PUM2: variants seen among roughly 807,000 people sequenced by gnomAD.
PUM2 encodes the protein pumilio RNA binding family member 2.
Under a neutral mutation model 124.5 loss-of-function variants are expected in PUM2, and 57 were observed. The observed-to-expected ratio is 0.46, with a 90% CI of 0.37 to 0.57. The LOEUF is 0.57. Ranked by LOEUF, PUM2 falls within the 20% of genes least tolerant of loss-of-function variation. PUM2 has a pLI of 0.00. For missense variants in PUM2, 1,065 were observed against 1,290.6 expected (o/e 0.83, Z 2.68); for synonymous variants, 460 against 446.1 (o/e 1.03, Z -0.39).
chr2:20,345,843 G>A (rs962551103), intron 1 of PUM2, among the ~76,000 whole-genome samples: 3 of 152,216 alleles, frequency 2.0e-5, no homozygotes, highest in African/African-American at 7.2e-5. Context: ...TTGTACTCCA[G>A]CCTGGGCAAC....
chr2:20,263,138 A>C (rs1023000080), intron 14 of PUM2, 55 bp downstream of exon 14: 1 of 1,495,494 alleles, frequency 6.7e-7, no homozygotes, highest in Non-Finnish European at 9.2e-7. Context: ...TTAAGCTTTT[A>C]TAAGGCAGCA....
intron 12 of PUM2, among the ~76,000 whole-genome samples, chr2:20,281,040 A>G (rs2148869317): frequency 6.6e-6 from 1 of 152,306 alleles, no homozygotes; most frequent in African/African-American, 2.4e-5. Flanking sequence ...ATTATGTTTT[A>G]GAGCTCATGT....
rs1391069391 is a variant in PUM2 at position 20,294,246 on chromosome 2, G to GT, written c.1152+129dup. The GT allele has an allele frequency of 3.8e-5, 35 of 932,966 alleles. No homozygotes were observed. The East Asian group carries it at 4.4e-4, about 12-fold the overall frequency. The allele number at this position is 932,966 out of a possible 1,614,324, so 57.8% of individuals were successfully genotyped here. Reference sequence around the variant, plus strand: ...TAAAATCCCATGCATAAATACTTGCGTATCAACTGTATGCCAGGAGTCGTG... The same window carrying GT: ...TAAAATCCCATGCATAAATACTTGCGTTATCAACTGTATGCCAGGAGTCGTG... On this transcript the variant is annotated intron_variant, in intron 9 of 20. Coordinates refer to ENST00000361078, the MANE Select transcript of PUM2 (RefSeq NM_015317.5).
At chr2:20,320,943 T>C (rs1682177835) in intron 2 of PUM2, among the ~76,000 whole-genome samples, 1 of 152,126 alleles carries the variant, frequency 6.6e-6, no homozygotes, top group African/African-American at 2.4e-5. Flanking sequence ...CCATACTTCA[T>C]GAAGAAAAAA....
At chr2:20,306,890 C>T (rs907136820) in intron 7 of PUM2, among the ~76,000 whole-genome samples, 4 of 151,346 alleles carry the variant, frequency 2.6e-5, no homozygotes, top group African/African-American at 9.7e-5. Flanking sequence ...TTCAGGATGG[C>T]GCCACTGTGC....
At chr2:20,251,871 C>T (rs1663441534) in intron 20 of PUM2, among the ~76,000 whole-genome samples, 155 bp from the exon 21 acceptor site, 1 of 152,208 alleles carries the variant, frequency 6.6e-6, no homozygotes. Flanking sequence ...CAGTTGTGAT[C>T]TGCTCAATCC....
At chr2:20,294,260 C>T in intron 9 of PUM2, 116 bp downstream of exon 9, 2 of 1,126,808 alleles carry the variant, frequency 1.8e-6, no homozygotes, top group African/African-American at 1.6e-5. Flanking sequence ...CAACTGTATG[C>T]CAGGAGTCGT....
rs374468277 is a variant in PUM2 at position 20,269,650 on chromosome 2, T to C, written c.1958-6190A>G. Among the ~76,000 whole-genome samples the C allele has an allele frequency of 8.5e-5, 13 of 152,330 alleles. No individual in the cohort carries two copies. The East Asian group carries it at 1.2e-3, about 14-fold the overall frequency. ...TATAAAAATACACACATGTCAAACGTACTACCTTAAAACTGTTAATTTTAT... is the reference window on the plus strand; with the variant it reads ...TATAAAAATACACACATGTCAAACGCACTACCTTAAAACTGTTAATTTTAT... On this transcript the variant is annotated intron_variant, in intron 13 of 20. Transcript: ENST00000361078.
intron 9 of PUM2, among the ~76,000 whole-genome samples, chr2:20,291,672 T>A (rs959372291): frequency 1.3e-5 from 2 of 152,172 alleles, no homozygotes; most frequent in Admixed American, 6.5e-5. Flanking sequence ...GCTCCCATCT[T>A]CATCCAAGAT....
Position 20,261,017 on chromosome 2 carries a change from A to G in PUM2, c.2226-551T>C, listed in dbSNP as rs373497919. Among the ~76,000 whole-genome samples the G allele has an allele frequency of 5.3e-5, 8 of 152,310 alleles. No homozygotes were observed. In the East Asian group the frequency reaches 9.6e-4, roughly 18 times the overall value. ...TAATGGAGATAAATTCCTATTGGGT[A>G]GGAACTGTCATAACATCATAGTGCA... On this transcript the variant is annotated intron_variant, in intron 14 of 20. Transcript: ENST00000361078.
Position 20,297,542 on chromosome 2 carries a change from T to C in PUM2, c.1009+11A>G, listed in dbSNP as rs781443369. ...AGCAACCATAATAAAGATGAACAAA[T>C]AGTATGTTACCTGCTAATGTAGCTG... On this transcript the variant is annotated intron_variant, in intron 8 of 20. Coordinates refer to ENST00000361078, the MANE Select transcript of PUM2 (RefSeq NM_015317.5). 2 of 1,574,114 alleles carry C rather than the reference T, an allele frequency of 1.3e-6. No homozygotes were observed. Among genetic ancestry groups the C allele is most frequent in the Non-Finnish European group, 8.6e-7 (1 of 1,158,512 alleles).
upstream of PUM2, among the ~76,000 whole-genome samples, chr2:20,351,627 T>G (rs1349292781): frequency 6.6e-6 from 1 of 152,198 alleles, no homozygotes; most frequent in Non-Finnish European, 1.5e-5. Flanking sequence ...TGGACCCCCA[T>G]GCAAAGCAGT....
Position 20,256,082 on chromosome 2 carries a change from C to T in PUM2, c.2573G>A (p.Cys858Tyr), listed in dbSNP as rs749536617. 14 of 1,600,938 alleles carry T rather than the reference C, an allele frequency of 8.7e-6. No homozygotes were observed. Among genetic ancestry groups the T allele is most frequent in the Non-Finnish European group, 1.0e-5 (12 of 1,175,486 alleles). The change falls in exon 17 of 21, where the codon TGT (cysteine) becomes TAT (tyrosine). Residue 858 changes from cysteine (C) to tyrosine (Y), a missense_variant. By Grantham distance (194) the Cys-to-Tyr change is radical. This residue lies in a region of PUM2 where 968 missense variants were observed against 1,159.8 expected (regional missense o/e 0.83). Coordinates refer to ENST00000361078, the MANE Select transcript of PUM2 (RefSeq NM_015317.5). ...GAACTGTAGTGACTGTGGCTGAACA[C>T]ATTCGATACATTTTTGTACAACATG... ...GNHVVQKCIE[C>Y]VQPQSLQFII...
intron 15 of PUM2, among the ~76,000 whole-genome samples, chr2:20,259,133 AAAAT>A (rs1214381098): frequency 6.6e-6 from 1 of 152,246 alleles, no homozygotes; most frequent in African/African-American, 2.4e-5. Flanking sequence ...GCTAAACTGT[AAAAT>A]AACACACATC....
At chr2:20,325,842 C>G (rs1465192886) in intron 2 of PUM2, among the ~76,000 whole-genome samples, 1 of 152,162 alleles carries the variant, frequency 6.6e-6, no homozygotes, top group Non-Finnish European at 1.5e-5. Context: ...AGGATGGTCT[C>G]TATCTCCTGA....
At chr2:20,311,177 C>T (rs532453754) in intron 5 of PUM2, among the ~76,000 whole-genome samples, 1 of 152,020 alleles carries the variant, frequency 6.6e-6, no homozygotes, top group Non-Finnish European at 1.5e-5. Flanking sequence ...CAGAGTAAAC[C>T]TACAGTTCAC....
intron 13 of PUM2, among the ~76,000 whole-genome samples, chr2:20,271,146 A>G (rs1285248612): frequency 6.6e-6 from 1 of 152,152 alleles, no homozygotes; most frequent in African/African-American, 2.4e-5. Flanking sequence ...TATTGAACAC[A>G]GATATTCAAT....
At chr2:20,251,854 G>T in intron 20 of PUM2, 138 bp from the exon 21 acceptor site, 1 of 1,065,980 alleles carries the variant, frequency 9.4e-7, no homozygotes, top group Non-Finnish European at 1.3e-6. Context: ...GCTACTTTTT[G>T]CAAAAGCAGT....
intron 3 of PUM2, among the ~76,000 whole-genome samples, chr2:20,315,121 C>T (rs1680577550): frequency 6.9e-6 from 1 of 144,996 alleles, no homozygotes. Flanking sequence ...CAGCTGGTCT[C>T]AAACTCCTGG....
Sources: allele counts gnomAD v4.1 joint callset (sites outside exome capture counted in the v4.1 genomes callset), GRCh38; gene constraint gnomAD v4.1.1; regional missense constraint gnomAD v4.1.1; transcripts MANE v1.5; gene names NCBI Gene and HGNC (gene_info 2026-07-23, HGNC 2026-07-21).